Variants in FRMD4A observed in about 807,000 individuals in gnomAD.
FRMD4A encodes the protein FERM domain-containing protein 4A.
A neutral mutation model predicts 129.1 loss-of-function variants in FRMD4A; 29 were observed. The observed-to-expected ratio is 0.22, with a 90% confidence interval of 0.17 to 0.31. The LOEUF is 0.31. Among genes scored for constraint, FRMD4A ranks in the 10% least tolerant of loss-of-function variants. FRMD4A has a pLI of 1.00. For missense variants in FRMD4A, 1,272 were observed against 1,375.8 expected, an observed-to-expected ratio of 0.92 and a Z score of 1.19; for synonymous variants, 634 against 571.6, an observed-to-expected ratio of 1.11 and a Z score of -1.56.
At chr10:13,991,042 C>T (rs946498176) in intron 2 of FRMD4A, among the ~76,000 whole-genome samples, 1 of 152,142 alleles carries the variant, frequency 6.6e-6, no homozygotes, top group African/African-American at 2.4e-5. Flanking sequence ...GAACAATTAT[C>T]CTGAAGCTGC....
chr10:13,802,035 C>T (rs2093267580), intron 4 of FRMD4A, among the ~76,000 whole-genome samples: 1 of 145,390 alleles, frequency 6.9e-6, no homozygotes, highest in South Asian at 2.2e-4. Context: ...ATCCCAGCAG[C>T]CACTCAGAGT....
At chr10:13,660,108 G>GCCCCAATTT (rs1411744865) in intron 20 of FRMD4A, among the ~76,000 whole-genome samples, 1 of 152,206 alleles carries the variant, frequency 6.6e-6, no homozygotes, top group Non-Finnish European at 1.5e-5. Flanking sequence ...GTGGGCCAAA[G>GCCCCAATTT]CCCCAATTTC....
intron 12 of FRMD4A, 49 bp from the exon 13 acceptor site, chr10:13,707,162 G>A: frequency 9.5e-7 from 1 of 1,057,454 alleles, no homozygotes; most frequent in Non-Finnish European, 1.5e-6. Context: ...CTGGCTCCTG[G>A]GCCATCTTCC....
chr10:14,108,347 A>C (rs2131788075), intron 2 of FRMD4A, among the ~76,000 whole-genome samples: 1 of 152,320 alleles, frequency 6.6e-6, no homozygotes, highest in Middle Eastern at 3.4e-3. Flanking sequence ...TATTCAGCAG[A>C]TCCTTGGGGG....
chr10:13,960,695 G>A (rs530555855), intron 2 of FRMD4A, among the ~76,000 whole-genome samples: 5 of 152,308 alleles, frequency 3.3e-5, no homozygotes, highest in Admixed American at 6.5e-5. Flanking sequence ...TCTGGGATGG[G>A]TTGACCGGCA....
At chr10:14,323,143 A>G (rs1308355896) in intron 2 of FRMD4A, among the ~76,000 whole-genome samples, 2 of 152,190 alleles carry the variant, frequency 1.3e-5, no homozygotes, top group Non-Finnish European at 1.5e-5. Context: ...GTGGTCACTC[A>G]TTGTCCAGAG....
intron 11 of FRMD4A, 130 bp downstream of exon 11, chr10:13,740,064 A>G: frequency 1.5e-6 from 1 of 686,206 alleles, no homozygotes; most frequent in African/African-American, 1.8e-5. Flanking sequence ...CGCACCCTGC[A>G]CACCAGCCTG....
intron 2 of FRMD4A, among the ~76,000 whole-genome samples, chr10:14,129,740 T>C (rs1056545803): frequency 2.0e-5 from 3 of 152,272 alleles, no homozygotes; most frequent in East Asian, 3.9e-4. Context: ...CTTTCAGGAC[T>C]CCTGGGAAAT....
At chr10:13,814,330 C>G (rs887327996) in intron 3 of FRMD4A, among the ~76,000 whole-genome samples, 1 of 151,772 alleles carries the variant, frequency 6.6e-6, no homozygotes, top group African/African-American at 2.4e-5. Flanking sequence ...GTGGCTCTTG[C>G]CTATAATCCC....
At chr10:13,757,048 C>T (rs776957436) in intron 8 of FRMD4A, among the ~76,000 whole-genome samples, 8 of 152,150 alleles carry the variant, frequency 5.3e-5, no homozygotes, top group Admixed American at 4.6e-4. Flanking sequence ...GCACTGTTTA[C>T]GATGAATAAA....
rs185022657 is a variant in FRMD4A, at chr10:13,792,515, C to T, written c.299+3981G>A. 1.7e-3 allele frequency among the ~76,000 whole-genome samples: 253 copies of T among 152,270 alleles called. 1 individual carries two copies. Among genetic ancestry groups the T allele is most frequent in the African/African-American group, 5.1e-3 (214 of 41,558 alleles). On this transcript the variant is annotated intron_variant, in intron 5 of 24. Transcript: ENST00000357447. ...TGACCGAACAGATGAGACCTCATCTCGCCTTCGTAACTTATTAGCCATGCT... is the reference window on the plus strand; with the variant it reads ...TGACCGAACAGATGAGACCTCATCTTGCCTTCGTAACTTATTAGCCATGCT...
rs924397501 is a variant in FRMD4A, at chr10:14,089,682, T to C, written c.46-230770A>G. On this transcript the variant is annotated intron_variant, in intron 2 of 24. Coordinates refer to ENST00000357447, the MANE Select transcript of FRMD4A (RefSeq NM_018027.5). The stretch of plus-strand genomic sequence containing the variant: ...GAAGAAAGAAATAAAAGAACCAGAC[T>C]GTAGTTTCCCTGGAAAATTTTCGCT... Among the ~76,000 whole-genome samples the C allele has an allele frequency of 1.3e-4, 19 of 146,682 alleles. 1 individual carries two copies. Among genetic ancestry groups the C allele is most frequent in the Non-Finnish European group, 4.5e-5 (3 of 67,100 alleles).
At chr10:13,663,339 G>A in intron 19 of FRMD4A, 114 bp downstream of exon 19, 2 of 678,406 alleles carry the variant, frequency 2.9e-6, no homozygotes, top group South Asian at 3.6e-5. Context: ...AGGGAGCCCA[G>A]CTGCCTTTTG....
chr10:13,907,606 G>A (rs1589235700), intron 2 of FRMD4A, among the ~76,000 whole-genome samples: 1 of 152,098 alleles, frequency 6.6e-6, no homozygotes, highest in Admixed American at 6.6e-5. Context: ...CCACCTGACA[G>A]ACGAGGAAGT....
intron 3 of FRMD4A, among the ~76,000 whole-genome samples, chr10:13,836,888 G>A (rs2093883886): frequency 6.6e-6 from 1 of 151,462 alleles, no homozygotes; most frequent in South Asian, 2.1e-4. Flanking sequence ...CTCCCCAGTA[G>A]CTGGGACTAC....
At chr10:14,170,527 C>T (rs911367120) in intron 2 of FRMD4A, among the ~76,000 whole-genome samples, 2 of 152,078 alleles carry the variant, frequency 1.3e-5, no homozygotes, top group African/African-American at 2.4e-5. Flanking sequence ...CAGGGTCAGA[C>T]AGAGAAAAAG....
chr10:14,142,511 T>C (rs938232328), intron 2 of FRMD4A, among the ~76,000 whole-genome samples: 1 of 152,230 alleles, frequency 6.6e-6, no homozygotes, highest in African/African-American at 2.4e-5. Context: ...GCATCCTGAA[T>C]TGGAAATCTG....
intron 13 of FRMD4A, among the ~76,000 whole-genome samples, chr10:13,701,691 T>C (rs1206145765): frequency 2.0e-5 from 3 of 152,232 alleles, no homozygotes; most frequent in Non-Finnish European, 4.4e-5. Flanking sequence ...TCTGATTTTC[T>C]GACTCCCTAG....
At chr10:13,678,351 A>G (rs2084179464) in intron 15 of FRMD4A, among the ~76,000 whole-genome samples, 1 of 152,224 alleles carries the variant, frequency 6.6e-6, no homozygotes, top group South Asian at 2.1e-4. Flanking sequence ...AAATCCCCGC[A>G]AAATCACTGA....
Sources: allele counts gnomAD v4.1 joint callset (sites outside exome capture counted in the v4.1 genomes callset), GRCh38; gene constraint gnomAD v4.1.1; transcripts MANE v1.5; gene names NCBI Gene and HGNC (gene_info 2026-07-23, HGNC 2026-07-21).